SULF1: variants seen among roughly 807,000 people sequenced by gnomAD.
SULF1 encodes the protein extracellular sulfatase Sulf-1.
A neutral mutation model predicts 110.5 loss-of-function variants in SULF1; 46 were observed. That is an observed-to-expected ratio of 0.42 (90% CI 0.33 to 0.53). The LOEUF is 0.53. Among genes scored for constraint, SULF1 ranks in the 20% least tolerant of loss-of-function variants. The pLI is 0.12. For missense variants in SULF1, 941 were observed against 1,094.2 expected (o/e 0.86, Z 1.98); for synonymous variants, 371 against 387.1 (o/e 0.96, Z 0.49).
At chr8:69,549,328 C>A (rs547010120) in intron 3 of SULF1, among the ~76,000 whole-genome samples, 3 of 152,272 alleles carry the variant, frequency 2.0e-5, no homozygotes, top group Non-Finnish European at 4.4e-5. Context: ...TAAGTTGGAA[C>A]TTTTAAATAG....
At chr8:69,651,435 C>A (rs562831228) in intron 22 of SULF1, among the ~76,000 whole-genome samples, 37 of 152,244 alleles carry the variant, frequency 2.4e-4, no homozygotes, top group African/African-American at 7.9e-4. Flanking sequence ...TGTTACCCTG[C>A]TCCTGATTTC....
chr8:69,589,471 A>G (rs981854535), intron 8 of SULF1, among the ~76,000 whole-genome samples: 2 of 152,224 alleles, frequency 1.3e-5, no homozygotes, highest in Non-Finnish European at 2.9e-5. Context: ...CTGATCTAAT[A>G]ATGATGATGA....
chr8:69,514,741 G>A (rs1037772452), intron 3 of SULF1, among the ~76,000 whole-genome samples: 1 of 152,172 alleles, frequency 6.6e-6, no homozygotes, highest in Non-Finnish European at 1.5e-5. Context: ...TACAGCCAGG[G>A]TACAGGTATT....
intron 8 of SULF1, among the ~76,000 whole-genome samples, chr8:69,592,584 T>C (rs560166130): frequency 8.7e-4 from 133 of 152,306 alleles, no homozygotes; most frequent in Non-Finnish European, 7.4e-4. Flanking sequence ...AAACCTCCAC[T>C]GTCTCATCTG....
intron 5 of SULF1, 47 bp from the exon 6 acceptor site, chr8:69,575,923 T>C: frequency 6.3e-7 from 1 of 1,597,300 alleles, no homozygotes; most frequent in Non-Finnish European, 8.5e-7. Context: ...GAAATAGGCA[T>C]TCATGTGCTG....
At chr8:69,504,496 AG>A (rs1811044869) in intron 3 of SULF1, among the ~76,000 whole-genome samples, 2 of 152,202 alleles carry the variant, frequency 1.3e-5, no homozygotes. Context: ...CGGAGGTTGC[AG>A]TGAGCCAAGA....
At chr8:69,591,693 G>A (rs865987104) in intron 8 of SULF1, among the ~76,000 whole-genome samples, 1 of 152,138 alleles carries the variant, frequency 6.6e-6, no homozygotes, top group Non-Finnish European at 1.5e-5. Context: ...ATAGATAAGC[G>A]TGAGGAAGAC....
intron 3 of SULF1, among the ~76,000 whole-genome samples, chr8:69,544,971 G>A (rs541157353): frequency 6.6e-6 from 1 of 152,222 alleles, no homozygotes; most frequent in Admixed American, 6.5e-5. Flanking sequence ...TAGATTGCAT[G>A]TGTGAAGATT....
intron 13 of SULF1, among the ~76,000 whole-genome samples, chr8:69,611,166 C>G (rs1222691621): frequency 6.6e-6 from 1 of 152,238 alleles, no homozygotes; most frequent in Admixed American, 6.5e-5. Context: ...TCATATAGTT[C>G]TTGCCTCATA....
chr8:69,618,077 C>T (rs1341823440), intron 13 of SULF1, among the ~76,000 whole-genome samples: 1 of 152,200 alleles, frequency 6.6e-6, no homozygotes, highest in Non-Finnish European at 1.5e-5. Context: ...ACATTAGAAT[C>T]ATCTGGGGAG....
chr8:69,485,383 C>T (rs1159562933), intron 1 of SULF1, among the ~76,000 whole-genome samples: 4 of 152,144 alleles, frequency 2.6e-5, no homozygotes. Context: ...AAACTGCATT[C>T]GTGAAATCAA....
At chr8:69,526,839 A>AAGGAAGGG (rs1487684068) in intron 3 of SULF1, among the ~76,000 whole-genome samples, 35 of 134,742 alleles carry the variant, frequency 2.6e-4, no homozygotes, top group Admixed American at 2.9e-4. Flanking sequence ...GGAAGGAAGG[A>AAGGAAGGG]AGGGAGGAAG....
At chr8:69,580,917 A>G (rs937987396) in intron 6 of SULF1, among the ~76,000 whole-genome samples, 5 of 152,202 alleles carry the variant, frequency 3.3e-5, no homozygotes, top group African/African-American at 1.2e-4. Context: ...TATAGCAAGT[A>G]TATTTATTCT....
intron 5 of SULF1, among the ~76,000 whole-genome samples, chr8:69,575,200 T>G (rs1805514963): frequency 1.5e-5 from 2 of 131,612 alleles, no homozygotes; most frequent in Admixed American, 7.4e-5. Flanking sequence ...ATCGAAATAG[T>G]TTTTTTTTTT....
intron 3 of SULF1, among the ~76,000 whole-genome samples, chr8:69,513,977 T>G (rs1476107856): frequency 6.6e-6 from 1 of 152,220 alleles, no homozygotes; most frequent in African/African-American, 2.4e-5. Context: ...AGGCCTGAGC[T>G]TTGTCCCAGC....
chr8:69,624,239 TACC>T (rs1809829310), intron 15 of SULF1, 42 bp downstream of exon 15: 4 of 1,530,972 alleles, frequency 2.6e-6, no homozygotes, highest in Admixed American at 2.1e-5. Flanking sequence ...AGTTCAGAAT[TACC>T]ACCACAACAC....
chr8:69,651,712 C>G (rs1812357459), intron 22 of SULF1, among the ~76,000 whole-genome samples: 1 of 152,016 alleles, frequency 6.6e-6, no homozygotes, highest in Admixed American at 6.6e-5. Flanking sequence ...GAAATAAATT[C>G]CACTGGGTCA....
intron 22 of SULF1, among the ~76,000 whole-genome samples, chr8:69,651,067 T>TTTTTGAGGCAGAG (rs1812305319): frequency 6.6e-6 from 1 of 150,642 alleles, no homozygotes; most frequent in African/African-American, 2.4e-5. Flanking sequence ...TTTTTTTTTT[T>TTTTTGAGGCAGAG]TTTTGAGACA....
At chr8:69,496,884 G>T (rs1810399235) in intron 2 of SULF1, among the ~76,000 whole-genome samples, 1 of 152,186 alleles carries the variant, frequency 6.6e-6, no homozygotes, top group Admixed American at 6.5e-5. Flanking sequence ...GCTGGATTTT[G>T]CTTCTTTCTG....
Sources: gnomAD v4.1 joint callset for allele counts (sites outside exome capture counted in the v4.1 genomes callset) on GRCh38, gnomAD v4.1.1 for gene constraint, MANE v1.5 for transcripts, NCBI Gene and HGNC (gene_info 2026-07-23, HGNC 2026-07-21) for gene names.